Variants in AGRN observed in about 807,000 individuals in gnomAD.
AGRN encodes agrin proteoglycan.
AGRN carries 106 observed loss-of-function variants against 211.0 expected under a neutral mutation model. The observed-to-expected ratio is 0.50, with a 90% CI of 0.43 to 0.59. The LOEUF is 0.59. Ranked by LOEUF, AGRN falls within the 20% of genes least tolerant of loss-of-function variation. AGRN has a pLI of 0.00. For synonymous variants in AGRN, 1,525 were observed against 1,332.5 expected, an observed-to-expected ratio of 1.14 and a Z score of -3.15; for missense variants, 3,040 against 2,982.6, an observed-to-expected ratio of 1.02 and a Z score of -0.45.
chr1:1,054,841 C>T lies in AGRN; in HGVS notation c.5998C>T (p.Pro2000Ser), dbSNP rs745821776. Residue 2000 changes from proline to serine, a missense_variant, in exon 36 of 36, where the codon CCC becomes TCC. By Grantham distance (74) the Pro-to-Ser change is moderately conservative. This residue lies in a region of AGRN where 1,537 missense variants were observed against 1,505.0 expected (regional missense o/e 1.02). Transcript: ENST00000379370. Reference sequence around the variant, plus strand: ...TGCTGCAGGGGGCCTGCCGGAGCTGCCCGTGGGCCCAGCACTGCCCAAGGC... The same window carrying T: ...TGCTGCAGGGGGCCTGCCGGAGCTGTCCGTGGGCCCAGCACTGCCCAAGGC... ...ALWLGGLPEL[P>S]VGPALPKAYG... The T allele has an allele frequency of 3.9e-5, 61 of 1,559,534 alleles. No individual in the cohort carries two copies. Among genetic ancestry groups the T allele is most frequent in the Admixed American group, 2.1e-4 (11 of 53,048 alleles).
intron 14 of AGRN, 55 bp downstream of exon 14, chr1:1,045,578 C>A: frequency 6.2e-7 from 1 of 1,606,316 alleles, no homozygotes; most frequent in Admixed American, 1.7e-5. Flanking sequence ...CCTGTTCACC[C>A]CCATCACTGT....
rs1259445582 is a variant in AGRN at position 1,050,472 on chromosome 1, C to T, written c.5022C>T (p.Ser1674=). The change falls in exon 29 of 36, where the codon AGC becomes AGT. Residue 1674 remains serine, a synonymous_variant. Transcript: ENST00000379370. ...LEVVFLARGP[S]GLLLYNGQKT... is the part of the protein sequence containing the mutation. ...TCGTGTTCCTGGCACGAGGCCCCAG[C>T]GGCCTCCTGCTCTACAACGGGCAGA... 8.1e-6 allele frequency: 13 copies of T among 1,612,916 alleles called. No homozygotes were observed. The highest frequency in any genetic ancestry group is 3.3e-5 in the South Asian group (3 of 91,090).
rs753401796 is a variant in AGRN at position 1,053,852 on chromosome 1, CTA to C, written c.5753_5754del (p.Tyr1918CysfsTer41). On this transcript the variant is annotated frameshift_variant, in exon 34 of 36. Coordinates refer to ENST00000379370, the MANE Select transcript of AGRN (RefSeq NM_198576.4). LOFTEE classifies it high-confidence loss of function. ...WSGKATERADYVALAIVDGHL... is the reference protein window; with the variant it reads ...WSGKATERADXVALAIVDGHL... Reference sequence around the variant, plus strand: ...GTGGCAAGGCCACGGAGCGGGCAGACTATGTGGCACTGGCCATTGTGGACGGG... The same window carrying C: ...GTGGCAAGGCCACGGAGCGGGCAGACTGTGGCACTGGCCATTGTGGACGGG... 1.2e-5 allele frequency: 19 copies of C among 1,610,508 alleles called. No individual in the cohort carries two copies. The African/African-American group carries it at 1.2e-4, about 10-fold the overall frequency.
intron 1 of AGRN, among the ~76,000 whole-genome samples, chr1:1,021,541 CAG>C (rs1345309171): frequency 1.3e-5 from 2 of 152,238 alleles, no homozygotes; most frequent in South Asian, 2.1e-4. Flanking sequence ...GCTTTGTTCT[CAG>C]GGGAGTGCGT....
At chr1:1,053,672 T>A in intron 33 of AGRN, 81 bp from the exon 34 acceptor site, 3 of 1,509,890 alleles carry the variant, frequency 2.0e-6, no homozygotes, top group Non-Finnish European at 1.8e-6. Context: ...CCTCCGCAGC[T>A]GGGGCCCTTG....
intron 2 of AGRN, among the ~76,000 whole-genome samples, chr1:1,022,910 G>A (rs972640683): frequency 8.5e-5 from 13 of 152,276 alleles, no homozygotes; most frequent in African/African-American, 1.7e-4. Flanking sequence ...GGGCTTCTGC[G>A]GATGTGGAGG....
rs757938137 is a variant in AGRN, at chr1:1,051,657, A to C, written c.5563+12A>C. On this transcript the variant is annotated intron_variant, in intron 32 of 35. Coordinates refer to ENST00000379370, the MANE Select transcript of AGRN (RefSeq NM_198576.4). ...GCACTGCGAGAAGGGTGAGCCTGGC[A>C]CAGGGCAGGGGGCGGAGGCCGGATG... 9.3e-6 allele frequency: 15 copies of C among 1,612,632 alleles called. No individual in the cohort carries two copies. The highest frequency in any genetic ancestry group is 1.3e-5 in the Non-Finnish European group (15 of 1,179,818).
chr1:1,021,133 C>T (rs1417657505), intron 1 of AGRN, among the ~76,000 whole-genome samples: 2 of 152,238 alleles, frequency 1.3e-5, no homozygotes, highest in African/African-American at 4.8e-5. Context: ...CATTTCCCTC[C>T]ACGGAGGTGG....
chr1:1,055,910 C>T lies in AGRN; in HGVS notation c.*929C>T, dbSNP rs892264938. 10 of 152,274 alleles carry T rather than the reference C, an allele frequency of 6.6e-5. No individual in the cohort carries two copies. Among genetic ancestry groups the T allele is most frequent in the African/African-American group, 2.2e-4 (9 of 41,452 alleles). The allele number at this position is 152,274 out of a possible 1,614,324, so 9.4% of individuals were successfully genotyped here. A position where few individuals can be genotyped will look rare whatever the true frequency, so the allele number is the denominator to read the frequency against. ...GGTCAAGGGGCAGGTGCAGAGGTGGCAGGGATGGCTCCGAAGCCAGAAATG... is the reference window on the plus strand; with the variant it reads ...GGTCAAGGGGCAGGTGCAGAGGTGGTAGGGATGGCTCCGAAGCCAGAAATG... On this transcript the variant is annotated 3_prime_UTR_variant, in exon 36 of 36. Coordinates refer to ENST00000379370, the MANE Select transcript of AGRN (RefSeq NM_198576.4).
chr1:1,042,571 C>CCGTCGTGTCCCGTCGTGTT (rs1644974140), intron 7 of AGRN, among the ~76,000 whole-genome samples: 1 of 152,170 alleles, frequency 6.6e-6, no homozygotes, highest in African/African-American at 2.4e-5. Flanking sequence ...GAGGCAGTGG[C>CCGTCGTGTCCCGTCGTGTT]CGTCGTGTCC....
chr1:1,038,821 A>T (rs958831751), intron 3 of AGRN, among the ~76,000 whole-genome samples: 1 of 152,204 alleles, frequency 6.6e-6, no homozygotes, highest in Non-Finnish European at 1.5e-5. Context: ...GCCTTGGACA[A>T]GGCAGGGCCA....
At chr1:1,046,982 AGT>A in intron 19 of AGRN, 25 bp downstream of exon 19, 1 of 1,565,676 alleles carries the variant, frequency 6.4e-7, no homozygotes, top group Non-Finnish European at 8.6e-7. Flanking sequence ...GGGCGAGGGG[AGT>A]GTGAGGATAG....
chr1:1,040,673 G>A lies in AGRN; in HGVS notation c.520G>A (p.Gly174Arg). The change falls in exon 4 of 36, where the codon GGA becomes AGA. Residue 174 changes from glycine to arginine, a missense_variant. Physicochemically the swap from Gly to Arg is moderately radical, Grantham distance 125. Transcript: ENST00000379370. Reference sequence around the variant, plus strand: ...TCCCCTACCCGCCCCAGCGTGCCGGGGAATGCTGTGCGGCTTCGGCGCCGT... The same window carrying A: ...TCCCCTACCCGCCCCAGCGTGCCGGAGAATGCTGTGCGGCTTCGGCGCCGT... ...VPPTPPDACR[G>R]MLCGFGAVCE... is the part of the protein sequence containing the mutation. 1 of 1,547,682 alleles carries A rather than the reference G, an allele frequency of 6.5e-7. No homozygotes were observed. Among genetic ancestry groups the A allele is most frequent in the Non-Finnish European group, 8.7e-7 (1 of 1,146,438 alleles).
rs573188426 is a variant in AGRN at position 1,039,936 on chromosome 1, G to A, written c.512-729G>A. Among the ~76,000 whole-genome samples the A allele has an allele frequency of 5.3e-5, 8 of 152,296 alleles. No individual in the cohort carries two copies. In the South Asian group the frequency reaches 1.2e-3, roughly 24 times the overall value. On this transcript the variant is annotated intron_variant, in intron 3 of 35. Transcript: ENST00000379370. ...AGGGAGAATAGGAGATAGTAGAGGC[G>A]GAGGCCAGGAATTTGCACTTCTCCA...
At chr1:1,020,477 C>A in intron 1 of AGRN, 104 bp downstream of exon 1, 1 of 1,156,670 alleles carries the variant, frequency 8.6e-7, no homozygotes, top group Non-Finnish European at 1.1e-6. Flanking sequence ...GCAGCCCCCG[C>A]TCCGGCTCCC....
In AGRN at chr1:1,040,833, A is replaced by T; in HGVS notation, c.680A>T (p.Gln227Leu). The T allele has an allele frequency of 6.5e-7, 1 of 1,534,434 alleles. No homozygotes were observed. The highest frequency in any genetic ancestry group is 8.7e-7 in the Non-Finnish European group (1 of 1,146,556). Residue 227 changes from glutamine to leucine, a missense_variant, in exon 4 of 36, where the codon CAG becomes CTG. This residue lies in a region of AGRN where 1,498 missense variants were observed against 1,457.8 expected (regional missense o/e 1.03). Coordinates refer to ENST00000379370, the MANE Select transcript of AGRN (RefSeq NM_198576.4). ...YSNECELQRA[Q>L]CSQQRRIRLL... ...AACGAATGCGAGCTGCAGCGGGCGCAGTGCAGCCAGCAGCGCCGCATCCGC... is the reference window on the plus strand; with the variant it reads ...AACGAATGCGAGCTGCAGCGGGCGCTGTGCAGCCAGCAGCGCCGCATCCGC...
At chr1:1,034,345 G>T (rs1370759108) in intron 2 of AGRN, 3 of 985,414 alleles carry the variant, frequency 3.0e-6, no homozygotes, top group Non-Finnish European at 3.6e-6. Context: ...TACTCCGGGA[G>T]AATTCTGCCC....
Position 1,020,130 on chromosome 1 carries a change from C to G in AGRN, c.-43C>G. On this transcript the variant is annotated 5_prime_UTR_variant, in exon 1 of 36. Coordinates refer to ENST00000379370, the MANE Select transcript of AGRN (RefSeq NM_198576.4). ...CGTCCCGTCCTGTCCAGTCCCGTCC[C>G]CGGCGCGGCCCGCGCGCTCCTCCGC... 3.7e-6 allele frequency: 4 copies of G among 1,095,096 alleles called. No individual in the cohort carries two copies. Among genetic ancestry groups the G allele is most frequent in the South Asian group, 4.6e-5 (2 of 43,118 alleles). 67.8% of individuals were successfully genotyped at this position (1,095,096 alleles called of 1,614,324 possible).
chr1:1,023,710 G>A (rs1163659932), intron 2 of AGRN, among the ~76,000 whole-genome samples: 1 of 152,196 alleles, frequency 6.6e-6, no homozygotes, highest in Non-Finnish European at 1.5e-5. Flanking sequence ...CTGAGGACTT[G>A]CTCTAGGGTC....
Sources: allele counts gnomAD v4.1 joint callset (sites outside exome capture counted in the v4.1 genomes callset), GRCh38; gene constraint gnomAD v4.1.1; regional missense constraint gnomAD v4.1.1; transcripts MANE v1.5; gene names NCBI Gene and HGNC (gene_info 2026-07-23, HGNC 2026-07-21).